The following PDE10A variants were observed in gnomAD, a reference collection of about 807,000 sequenced individuals.
PDE10A encodes cAMP and cAMP-inhibited cGMP 3',5'-cyclic phosphodiesterase 10A.
A neutral mutation model predicts 97.7 loss-of-function variants in PDE10A; 39 were observed. That is an observed-to-expected ratio of 0.40 (90% confidence interval 0.31 to 0.52). PDE10A has a LOEUF of 0.52. Ranked by LOEUF, PDE10A falls within the 20% of genes least tolerant of loss-of-function variation. The pLI is 0.56. For missense variants in PDE10A, 731 were observed against 1,047.8 expected (o/e 0.70, Z 4.17); for synonymous variants, 371 against 376.8 (o/e 0.98, Z 0.18).
intron 1 of PDE10A, among the ~76,000 whole-genome samples, chr6:165,586,897 A>G (rs1484816475): frequency 6.6e-6 from 1 of 152,168 alleles, no homozygotes; most frequent in Non-Finnish European, 1.5e-5. Flanking sequence ...ATGCTGAGCT[A>G]ATGACAAAAG....
intron 1 of PDE10A, among the ~76,000 whole-genome samples, chr6:165,617,924 TATTA>T (rs995122336): frequency 5.9e-5 from 9 of 152,066 alleles, no homozygotes; most frequent in African/African-American, 2.2e-4. Context: ...AGATTATACA[TATTA>T]ATTAAATGGT....
intron 1 of PDE10A, among the ~76,000 whole-genome samples, chr6:165,747,094 T>G (rs1037256168): frequency 6.6e-6 from 1 of 152,308 alleles, no homozygotes; most frequent in East Asian, 1.9e-4. Context: ...CTTGGAAGAT[T>G]TATAACAAAA....
chr6:165,657,002 C>T (rs762400422), intron 1 of PDE10A, among the ~76,000 whole-genome samples: 4 of 152,350 alleles, frequency 2.6e-5, no homozygotes, highest in Middle Eastern at 3.4e-3. Flanking sequence ...TTCTTGAAGA[C>T]AGGCACCATG....
intron 1 of PDE10A, among the ~76,000 whole-genome samples, chr6:165,860,315 T>G (rs1487571702): frequency 2.6e-5 from 4 of 152,014 alleles, no homozygotes; most frequent in African/African-American, 9.7e-5. Flanking sequence ...TAGCCAGGCA[T>G]GGTGGCATAT....
At chr6:165,396,484 A>G (rs751821639) in intron 13 of PDE10A, 25 bp from the exon 14 acceptor site, 12 of 1,565,750 alleles carry the variant, frequency 7.7e-6, no homozygotes, top group Non-Finnish European at 9.5e-6. Flanking sequence ...CAAAAAAAAA[A>G]CCCCCAAAAT....
intron 1 of PDE10A, among the ~76,000 whole-genome samples, chr6:165,969,004 A>T (rs2128500354): frequency 6.6e-6 from 1 of 152,352 alleles, no homozygotes; most frequent in East Asian, 1.9e-4. Flanking sequence ...AGCCAGCACT[A>T]TGATGAGTGA....
intron 1 of PDE10A, among the ~76,000 whole-genome samples, chr6:165,899,812 T>C (rs1197681256): frequency 6.6e-6 from 1 of 152,228 alleles, no homozygotes; most frequent in African/African-American, 2.4e-5. Context: ...TCCTGGGAGT[T>C]GCTACAGAAT....
intron 1 of PDE10A, among the ~76,000 whole-genome samples, chr6:165,757,484 C>CT (rs1223406286): frequency 1.3e-5 from 2 of 152,122 alleles, no homozygotes; most frequent in East Asian, 1.9e-4. Flanking sequence ...ATAATTCTCA[C>CT]TTTTTTTCTA....
Position 165,431,369 on chromosome 6 carries a change from C to G in PDE10A, c.1542+53G>C, listed in dbSNP as rs1789541227. The G allele has an allele frequency of 2.3e-6, 3 of 1,278,296 alleles. No homozygotes were observed. The African/African-American group carries it at 4.5e-5, about 19-fold the overall frequency. The allele number at this position is 1,278,296 out of a possible 1,614,324, so 79.2% of individuals were successfully genotyped here. On this transcript the variant is annotated intron_variant, in intron 8 of 21. Coordinates refer to ENST00000539869, the MANE Select transcript of PDE10A (RefSeq NM_001385079.1). ...TATTCCGGTCTTCAATGCCTCACTC[C>G]AAAAACCTCTTCTCCCTTAGGAAGC...
chr6:165,802,939 C>A (rs1163143446), intron 1 of PDE10A, among the ~76,000 whole-genome samples: 1 of 152,158 alleles, frequency 6.6e-6, no homozygotes. Flanking sequence ...TACACTTTTT[C>A]AGTTGTTTCC....
intron 12 of PDE10A, among the ~76,000 whole-genome samples, chr6:165,414,694 C>A (rs558103397): frequency 6.6e-6 from 1 of 152,164 alleles, no homozygotes; most frequent in Non-Finnish European, 1.5e-5. Flanking sequence ...TATCTAGAAG[C>A]GGAGCTGATT....
At chr6:165,457,289 T>C (rs1242740224) in intron 3 of PDE10A, among the ~76,000 whole-genome samples, 2 of 152,198 alleles carry the variant, frequency 1.3e-5, no homozygotes, top group African/African-American at 4.8e-5. Context: ...AACAAGTTTA[T>C]ACTGGGCATC....
intron 1 of PDE10A, among the ~76,000 whole-genome samples, chr6:165,827,101 C>T (rs948684092): frequency 6.6e-6 from 1 of 152,166 alleles, no homozygotes; most frequent in Non-Finnish European, 1.5e-5. Flanking sequence ...CGGGGCCGAC[C>T]CGGGAGAGCC....
chr6:165,486,506 C>G (rs376416308), intron 2 of PDE10A, among the ~76,000 whole-genome samples: 32 of 152,176 alleles, frequency 2.1e-4, no homozygotes, highest in African/African-American at 7.5e-4. Context: ...GAAAGGCTGG[C>G]GAGCTGAAAA....
At chr6:165,426,835 A>G (rs1789196566) in intron 10 of PDE10A, among the ~76,000 whole-genome samples, 1 of 152,168 alleles carries the variant, frequency 6.6e-6, no homozygotes. Flanking sequence ...CATCTCCCCT[A>G]AGACAATATA....
intron 1 of PDE10A, among the ~76,000 whole-genome samples, chr6:165,957,742 G>A (rs367552435): frequency 6.6e-6 from 1 of 152,176 alleles, no homozygotes; most frequent in Non-Finnish European, 1.5e-5. Context: ...ATAACCCCCA[G>A]CCTCTAAAAG....
At chr6:165,650,670 T>C (rs972962174) in intron 1 of PDE10A, among the ~76,000 whole-genome samples, 1 of 152,218 alleles carries the variant, frequency 6.6e-6, no homozygotes, top group African/African-American at 2.4e-5. Context: ...CTACGCCATA[T>C]TCATATCTTG....
rs1780352155 is a variant in PDE10A, at chr6:165,493,650, C to G, written c.995-11307G>C. ...TAGAAGAATGAAACTGGATCCTCAT[C>G]TCTCATCTTATACAAAAATCAACTC... On this transcript the variant is annotated intron_variant, in intron 2 of 21. Transcript: ENST00000539869. 2.0e-5 allele frequency among the ~76,000 whole-genome samples: 3 copies of G among 152,094 alleles called. No homozygotes were observed. The South Asian group carries it at 6.2e-4, about 32-fold the overall frequency.
intron 1 of PDE10A, among the ~76,000 whole-genome samples, chr6:165,922,016 A>T (rs1782767334): frequency 6.6e-6 from 1 of 152,160 alleles, no homozygotes; most frequent in South Asian, 2.1e-4. Context: ...GGCTAGGTAG[A>T]TGTGGACATA....
Sources: allele counts gnomAD v4.1 joint callset (sites outside exome capture counted in the v4.1 genomes callset), GRCh38; gene constraint gnomAD v4.1.1; transcripts MANE v1.5; gene names NCBI Gene and HGNC (gene_info 2026-07-23, HGNC 2026-07-21).